Variants in MYLK observed in about 807,000 individuals in gnomAD.
MYLK encodes the protein myosin light chain kinase.
In MYLK, 106 loss-of-function variants were observed where a neutral mutation model predicts 203.4. The observed-to-expected ratio is 0.52, with a 90% confidence interval of 0.45 to 0.61. The LOEUF (loss-of-function observed/expected upper bound fraction) is 0.61, where lower values mean the gene tolerates loss of function less well. Among genes scored for constraint, MYLK ranks in the 20% least tolerant of loss-of-function variants. The probability of loss-of-function intolerance (pLI) is 0.00; values close to 1 mark genes in which losing one functional copy is unlikely to be tolerated. For synonymous variants in MYLK, 867 were observed against 959.5 expected (o/e 0.90, Z 1.78); for missense variants, 2,072 against 2,442.3 (o/e 0.85, Z 3.20).
chr3:123,766,829 T>C (rs568383950), intron 4 of MYLK, among the ~76,000 whole-genome samples: 1 of 152,240 alleles, frequency 6.6e-6, no homozygotes, highest in East Asian at 1.9e-4. Flanking sequence ...GGCCCAGGGG[T>C]TGCAGAAAAG....
At chr3:123,851,152 G>A (rs1161296085) in intron 2 of MYLK, among the ~76,000 whole-genome samples, 4 of 152,152 alleles carry the variant, frequency 2.6e-5, no homozygotes, top group Admixed American at 6.5e-5. Flanking sequence ...CTGTCGCCTT[G>A]TAGTACAGTT....
intron 30 of MYLK, among the ~76,000 whole-genome samples, 172 bp from the exon 31 acceptor site, chr3:123,627,113 A>C (rs757670444): frequency 2.0e-5 from 3 of 152,130 alleles, no homozygotes; most frequent in Non-Finnish European, 2.9e-5. Flanking sequence ...CTTTCTCCTC[A>C]CTTGGTCTGG....
chr3:123,686,748 G>A (rs1033788072), intron 19 of MYLK, among the ~76,000 whole-genome samples: 4 of 152,190 alleles, frequency 2.6e-5, no homozygotes, highest in Admixed American at 1.3e-4. Flanking sequence ...TGGCCAAGTC[G>A]TAAGGTGATG....
At chr3:123,747,846 T>C (rs2063068536) in intron 5 of MYLK, among the ~76,000 whole-genome samples, 1 of 152,174 alleles carries the variant, frequency 6.6e-6, no homozygotes, top group Non-Finnish European at 1.5e-5. Flanking sequence ...GAAGTGACTC[T>C]CTGGTCCTTG....
rs933169927 is a variant in MYLK at position 123,737,197 on chromosome 3, C to A, written c.754+181G>T. ...TCATGTCACTGCACTCCAGCATGGG[C>A]GACAGAGCAAGACTCTGTCTGAAGA... On this transcript the variant is annotated intron_variant, in intron 8 of 33. Transcript: ENST00000360304. The A allele has an allele frequency of 7.6e-6, 5 of 655,206 alleles. No homozygotes were observed. The South Asian group carries it at 9.6e-5, about 13-fold the overall frequency. The allele number at this position is 655,206 out of a possible 1,614,324, so 40.6% of individuals were successfully genotyped here. A position where few individuals can be genotyped will look rare whatever the true frequency, so the allele number is the denominator to read the frequency against.
intron 3 of MYLK, among the ~76,000 whole-genome samples, chr3:123,795,263 A>AAT (rs1489527093): frequency 6.6e-6 from 1 of 152,242 alleles, no homozygotes; most frequent in African/African-American, 2.4e-5. Context: ...TTGATTTTCA[A>AAT]ATATCCATCA....
intron 19 of MYLK, chr3:123,689,797 G>C (rs1360321234): frequency 6.6e-6 from 1 of 152,212 alleles, no homozygotes; most frequent in Non-Finnish European, 1.5e-5. Flanking sequence ...GTCTTCTGCT[G>C]AGTTCAGAAG....
intron 31 of MYLK, chr3:123,620,550 G>C: frequency 7.1e-7 from 1 of 1,406,084 alleles, no homozygotes; most frequent in East Asian, 2.8e-5. Flanking sequence ...GAATGGAATG[G>C]GGCCTGGAAC....
At chr3:123,853,983 T>C (rs1024473929) in intron 2 of MYLK, among the ~76,000 whole-genome samples, 1 of 151,968 alleles carries the variant, frequency 6.6e-6, no homozygotes, top group Non-Finnish European at 1.5e-5. Flanking sequence ...TAAATGCTTC[T>C]CTCTTGCTGC....
In MYLK at chr3:123,618,723, G is replaced by A. The variant is rs1457231201; in HGVS notation, c.5416C>T (p.His1806Tyr). The A allele has an allele frequency of 6.2e-7, 1 of 1,613,992 alleles. No homozygotes were observed. The highest frequency in any genetic ancestry group is 8.5e-7 in the Non-Finnish European group (1 of 1,180,016). ...GTCTTAGAGAAATAGGGTTTTACATGAGGCTTTTCCTCAGCAACAGCCTCA... is the reference window on the plus strand; with the variant it reads ...GTCTTAGAGAAATAGGGTTTTACATAAGGCTTTTCCTCAGCAACAGCCTCA... Reference protein sequence around the residue: ...FLEAVAEEKPHVKPYFSKTIR... With the variant: ...FLEAVAEEKPYVKPYFSKTIR... The change falls in exon 33 of 34, where the codon CAT becomes TAT. Residue 1806 changes from histidine (H) to tyrosine (Y), a missense_variant. Coordinates refer to ENST00000360304, the MANE Select transcript of MYLK (RefSeq NM_053025.4).
At chr3:123,870,355 G>A (rs1179648931) in intron 2 of MYLK, among the ~76,000 whole-genome samples, 6 of 152,160 alleles carry the variant, frequency 3.9e-5, no homozygotes, top group Non-Finnish European at 8.8e-5. Context: ...CTCCTGGGGG[G>A]ACCAAAAAGG....
intron 28 of MYLK, 123 bp from the exon 29 acceptor site, chr3:123,638,317 G>T: frequency 7.1e-7 from 1 of 1,399,236 alleles, no homozygotes; most frequent in Non-Finnish European, 1.0e-6. Flanking sequence ...CTTTGGCACA[G>T]AGAACAGGCA....
At chr3:123,728,150 G>A (rs1265321926) in intron 11 of MYLK, among the ~76,000 whole-genome samples, 6 of 152,106 alleles carry the variant, frequency 3.9e-5, no homozygotes, top group Admixed American at 6.6e-5. Flanking sequence ...CAAAAGCAAC[G>A]GTTTCAGAAT....
chr3:123,791,507 A>G (rs1017819010), intron 4 of MYLK, among the ~76,000 whole-genome samples: 1 of 152,156 alleles, frequency 6.6e-6, no homozygotes, highest in African/African-American at 2.4e-5. Flanking sequence ...TTTCTTCTAC[A>G]GTCTCTCCCT....
chr3:123,823,255 C>T (rs1166972496), intron 3 of MYLK, among the ~76,000 whole-genome samples: 1 of 152,158 alleles, frequency 6.6e-6, no homozygotes, highest in African/African-American at 2.4e-5. Context: ...TTTTATACAC[C>T]ATCCAGAAGC....
intron 4 of MYLK, among the ~76,000 whole-genome samples, chr3:123,791,908 C>G (rs2109093894): frequency 6.6e-6 from 1 of 152,286 alleles, no homozygotes; most frequent in African/African-American, 2.4e-5. Context: ...TCATGAAGTA[C>G]TTTTACTATC....
chr3:123,743,565 T>C (rs1256814255), intron 5 of MYLK, among the ~76,000 whole-genome samples: 1 of 152,126 alleles, frequency 6.6e-6, no homozygotes, highest in Non-Finnish European at 1.5e-5. Context: ...GAAAGGGGAT[T>C]AAAGTAGAAA....
At position 123,724,073 on chromosome 3, in the gene MYLK, G is replaced by C. The variant is rs1426900589; in HGVS notation, c.1652-1793C>G. On this transcript the variant is annotated intron_variant, in intron 12 of 33. Transcript: ENST00000360304. ...TCTATTCTTTTACTTTTTGAGACAG[G>C]GTCTCACTCTTATTACCCAGGTTGG... 2.0e-5 allele frequency among the ~76,000 whole-genome samples: 3 copies of C among 151,214 alleles called. No individual in the cohort carries two copies. The South Asian group carries it at 6.3e-4, about 32-fold the overall frequency.
chr3:123,831,374 A>C (rs1297307350), intron 3 of MYLK, 174 bp downstream of exon 3: 1 of 1,289,188 alleles, frequency 7.8e-7, no homozygotes, highest in African/African-American at 1.5e-5. Flanking sequence ...ACAATGCTAC[A>C]GCATACTGCC....
Sources: allele counts gnomAD v4.1 joint callset (sites outside exome capture counted in the v4.1 genomes callset), GRCh38; gene constraint gnomAD v4.1.1; transcripts MANE v1.5; gene names NCBI Gene and HGNC (gene_info 2026-07-23, HGNC 2026-07-21).